The following MIGA1 variants were observed in gnomAD, a reference collection of about 807,000 sequenced individuals.
MIGA1 encodes the protein family with sequence similarity 73, member A.
Under a neutral mutation model 82.0 loss-of-function variants are expected in MIGA1, and 58 were observed. The observed-to-expected ratio is 0.71, with a 90% CI of 0.57 to 0.88. The LOEUF (loss-of-function observed/expected upper bound fraction) is 0.88. Among genes scored for constraint, MIGA1 ranks in the 40% least tolerant of loss-of-function variants. The pLI, the probability that MIGA1 is intolerant of heterozygous loss-of-function variation, is 0.00. For missense variants in MIGA1, 751 were observed against 749.1 expected, an observed-to-expected ratio of 1.00 and a Z score of -0.03; for synonymous variants, 249 against 253.6, an observed-to-expected ratio of 0.98 and a Z score of 0.17.
At chr1:77,796,262 G>C in intron 2 of MIGA1, among the ~76,000 whole-genome samples, 1 of 151,706 alleles carries the variant, frequency 6.6e-6, no homozygotes, top group Non-Finnish European at 1.5e-5. Context: ...GGGACTACAG[G>C]CGACCGCCAC....
intron 7 of MIGA1, among the ~76,000 whole-genome samples, chr1:77,831,673 G>C (rs1342396979): frequency 6.6e-6 from 1 of 152,152 alleles, no homozygotes. Context: ...CATGACGAAT[G>C]TTTGTGATTA....
intron 14 of MIGA1, among the ~76,000 whole-genome samples, chr1:77,867,295 A>C (rs1183219637): frequency 6.6e-6 from 1 of 152,092 alleles, no homozygotes; most frequent in Non-Finnish European, 1.5e-5. Context: ...TTATCTCTAA[A>C]AATAGAATAG....
intron 1 of MIGA1, chr1:77,780,290 G>A (rs1395159290): frequency 2.2e-6 from 1 of 448,166 alleles, no homozygotes; most frequent in African/African-American, 2.1e-5. Context: ...CTTTGCAGGT[G>A]CTTTAAGAGA....
intron 5 of MIGA1, chr1:77,810,850 T>A (rs1683298851): frequency 1.2e-6 from 2 of 1,609,274 alleles, no homozygotes; most frequent in Admixed American, 3.3e-5. Flanking sequence ...TCCAGGTTCA[T>A]CATGTCAGGA....
chr1:77,851,937 T>C lies in MIGA1; in HGVS notation c.997-7001T>C, dbSNP rs182774921. On this transcript the variant is annotated intron_variant, in intron 8 of 15. Coordinates refer to ENST00000370791, the MANE Select transcript of MIGA1 (RefSeq NM_198549.4). Reference sequence around the variant, plus strand: ...TGTCACTCAGGTTGGAGTGTAGTGGTGTGATCTCAGCTCACTGCAACCTTG... The same window carrying C: ...TGTCACTCAGGTTGGAGTGTAGTGGCGTGATCTCAGCTCACTGCAACCTTG... Among the ~76,000 whole-genome samples, 415 of 146,902 alleles carry C rather than the reference T, an allele frequency of 2.8e-3. 3 individuals carry two copies. The highest frequency in any genetic ancestry group is 7.3e-3 in the Middle Eastern group (2 of 274).
At chr1:77,786,388 T>C (rs551109061) in intron 2 of MIGA1, among the ~76,000 whole-genome samples, 5 of 152,376 alleles carry the variant, frequency 3.3e-5, no homozygotes, top group Admixed American at 6.5e-5. Context: ...TCTTTACTTA[T>C]GCAAATTTCT....
At chr1:77,859,077 A>G in intron 9 of MIGA1, 21 bp downstream of exon 9, 1 of 1,409,496 alleles carries the variant, frequency 7.1e-7, no homozygotes, top group East Asian at 2.3e-5. Flanking sequence ...AGTTTTGTTT[A>G]TGTTTATGAA....
intron 7 of MIGA1, among the ~76,000 whole-genome samples, chr1:77,821,092 C>T (rs918789574): frequency 6.6e-6 from 1 of 151,496 alleles, no homozygotes. Flanking sequence ...CAAGATTGTG[C>T]CATTGCACTC....
rs557562779 is a variant in MIGA1 at position 77,847,087 on chromosome 1, T to C, written c.996+3680T>C. ...AAACTACACCAACAGTAGGGCCACG[T>C]TCAGTAGATATGGGAACAAGATGGT... On this transcript the variant is annotated intron_variant, in intron 8 of 15. Transcript: ENST00000370791. 4 of 798,466 alleles carry C rather than the reference T, an allele frequency of 5.0e-6. No individual in the cohort carries two copies. The African/African-American group carries it at 5.0e-5, about 10-fold the overall frequency. The allele number at this position is 798,466 out of a possible 1,614,324, so 49.5% of individuals were successfully genotyped here.
chr1:77,855,927 A>C (rs1045329436), intron 8 of MIGA1, among the ~76,000 whole-genome samples: 3 of 152,056 alleles, frequency 2.0e-5, no homozygotes, highest in Non-Finnish European at 2.9e-5. Context: ...TTCCAGTACT[A>C]TGTTGAAGAG....
intron 7 of MIGA1, among the ~76,000 whole-genome samples, chr1:77,818,975 G>A (rs1308782807): frequency 6.6e-6 from 1 of 151,536 alleles, no homozygotes; most frequent in Non-Finnish European, 1.5e-5. Flanking sequence ...AGCTACTCGG[G>A]AGGCTGAGGG....
At chr1:77,865,411 T>G (rs1029893715) in intron 13 of MIGA1, among the ~76,000 whole-genome samples, 3 of 152,220 alleles carry the variant, frequency 2.0e-5, no homozygotes, top group Non-Finnish European at 2.9e-5. Flanking sequence ...GGCAACATAG[T>G]GACACCTCGT....
At chr1:77,780,085 C>T in intron 1 of MIGA1, 1 of 1,028,132 alleles carries the variant, frequency 9.7e-7, no homozygotes, top group Non-Finnish European at 1.2e-6. Flanking sequence ...TCTGGACGGC[C>T]GAGCTGGAGG....
Position 77,818,596 on chromosome 1 carries a change from G to A in MIGA1, c.895+3365G>A, listed in dbSNP as rs912163718. ...CTAGCTATTAACACACAGGGGGAAA[G>A]ATGAAATTAGATGATGGCTAAGAAG... On this transcript the variant is annotated intron_variant, in intron 7 of 15. Coordinates refer to ENST00000370791, the MANE Select transcript of MIGA1 (RefSeq NM_198549.4). Among the ~76,000 whole-genome samples the A allele has an allele frequency of 2.6e-5, 4 of 152,266 alleles. No individual in the cohort carries two copies. In the South Asian group the frequency reaches 8.3e-4, roughly 32 times the overall value.
At chr1:77,788,926 T>G (rs1682291678) in intron 2 of MIGA1, among the ~76,000 whole-genome samples, 2 of 152,084 alleles carry the variant, frequency 1.3e-5, no homozygotes, top group Non-Finnish European at 2.9e-5. Context: ...TTAGGATGGG[T>G]TTTTCTATTT....
At chr1:77,788,721 T>C (rs1331539057) in intron 2 of MIGA1, among the ~76,000 whole-genome samples, 3 of 152,224 alleles carry the variant, frequency 2.0e-5, no homozygotes, top group Non-Finnish European at 4.4e-5. Flanking sequence ...TGAATGGTCT[T>C]GCACCCCTGT....
At chr1:77,781,149 T>C (rs1557889980) in intron 1 of MIGA1, among the ~76,000 whole-genome samples, 1 of 152,072 alleles carries the variant, frequency 6.6e-6, no homozygotes, top group African/African-American at 2.4e-5. Context: ...CCTCAACTGA[T>C]CCACCCACCT....
chr1:77,821,487 C>T (rs1390347354), intron 7 of MIGA1, among the ~76,000 whole-genome samples: 1 of 151,678 alleles, frequency 6.6e-6, no homozygotes, highest in Non-Finnish European at 1.5e-5. Flanking sequence ...TCTCTGCCTC[C>T]TGGGTTCAAG....
At chr1:77,841,324 T>C (rs1425332771) in intron 7 of MIGA1, among the ~76,000 whole-genome samples, 1 of 151,744 alleles carries the variant, frequency 6.6e-6, no homozygotes, top group South Asian at 2.1e-4. Flanking sequence ...TAAAGTCTGA[T>C]CTCACCAAAC....
Sources: gnomAD v4.1 joint callset for allele counts (sites outside exome capture counted in the v4.1 genomes callset) on GRCh38, gnomAD v4.1.1 for gene constraint, MANE v1.5 for transcripts, NCBI Gene and HGNC (gene_info 2026-07-23, HGNC 2026-07-21) for gene names.